SPEF2: variants seen among roughly 807,000 people sequenced by gnomAD.
SPEF2 encodes the protein sperm flagellar and cilia associated 2.
SPEF2 carries 187 observed loss-of-function variants against 224.6 expected under a neutral mutation model. That is an observed-to-expected ratio of 0.83 (90% CI 0.74 to 0.94). The LOEUF (loss-of-function observed/expected upper bound fraction) is 0.94, where lower values mean the gene tolerates loss of function less well. Among genes scored for constraint, SPEF2 ranks in the 40% least tolerant of loss-of-function variants. The pLI is 0.00. For synonymous variants in SPEF2, 715 were observed against 707.3 expected, an observed-to-expected ratio of 1.01 and a Z score of -0.17; for missense variants, 2,170 against 2,135.6, an observed-to-expected ratio of 1.02 and a Z score of -0.32.
intron 28 of SPEF2, among the ~76,000 whole-genome samples, chr5:35,775,938 G>A (rs555036494): frequency 1.8e-4 from 28 of 152,166 alleles, no homozygotes; most frequent in African/African-American, 5.5e-4. Flanking sequence ...AGATAAGCAC[G>A]GTCCCCACTC....
chr5:35,803,241 G>C (rs1757669034), intron 34 of SPEF2, among the ~76,000 whole-genome samples: 2 of 152,154 alleles, frequency 1.3e-5, no homozygotes, highest in Admixed American at 1.3e-4. Flanking sequence ...AGCAGGAAAG[G>C]CCAGGAAAAA....
intron 30 of SPEF2, among the ~76,000 whole-genome samples, chr5:35,780,449 G>T (rs1018827075): frequency 6.6e-6 from 1 of 152,120 alleles, no homozygotes; most frequent in Non-Finnish European, 1.5e-5. Context: ...CAGCTCCAAG[G>T]TATAAAAGCC....
rs115212793 is a variant in SPEF2, at chr5:35,775,836, C to T, written c.4079-421C>T. 0.012 allele frequency among the ~76,000 whole-genome samples: 1,764 copies of T among 152,154 alleles called. 62 individuals carry two copies. The South Asian group carries it at 0.12, about 10-fold the overall frequency. Reference sequence around the variant, plus strand: ...CACCAACCAGATTATGTGCCAGGATCGGTAATAGGCCCAGGGGCACATGGA... The same window carrying T: ...CACCAACCAGATTATGTGCCAGGATTGGTAATAGGCCCAGGGGCACATGGA... On this transcript the variant is annotated intron_variant, in intron 28 of 36. Transcript: ENST00000356031.
chr5:35,771,057 C>T (rs1752776140), intron 26 of SPEF2, among the ~76,000 whole-genome samples: 2 of 151,686 alleles, frequency 1.3e-5, no homozygotes, highest in Non-Finnish European at 2.9e-5. Context: ...TGGCTGTTGC[C>T]GAGGGTGATG....
rs756792876 is a variant in SPEF2 at position 35,691,103 on chromosome 5, A to G, written c.1591A>G (p.Ile531Val). 1 of 1,614,132 alleles carries G rather than the reference A, an allele frequency of 6.2e-7. No individual in the cohort carries two copies. The highest frequency in any genetic ancestry group is 1.1e-5 in the South Asian group (1 of 91,086). ...CAATTTACCACCCTCCAACAATTGCATACTGGGCCATATTCTTCACAGGCT... is the reference window on the plus strand; with the variant it reads ...CAATTTACCACCCTCCAACAATTGCGTACTGGGCCATATTCTTCACAGGCT... ...VDNLPPSNNC[I>V]LGHILHRLAE... The change falls in exon 11 of 37, where the codon ATA becomes GTA. Residue 531 changes from isoleucine (I) to valine (V), a missense_variant. Coordinates refer to ENST00000356031, the MANE Select transcript of SPEF2 (RefSeq NM_024867.4).
intron 2 of SPEF2, among the ~76,000 whole-genome samples, chr5:35,633,879 CTTTAA>C (rs1322375983): frequency 1.3e-5 from 2 of 151,882 alleles, no homozygotes; most frequent in African/African-American, 2.4e-5. Context: ...ATTAATACTA[CTTTAA>C]TTTAATTAGT....
intron 23 of SPEF2, among the ~76,000 whole-genome samples, chr5:35,747,075 A>T (rs559149040): frequency 6.6e-6 from 1 of 152,308 alleles, no homozygotes; most frequent in African/African-American, 2.4e-5. Flanking sequence ...AAAACTAAGC[A>T]TCGTATATGA....
intron 10 of SPEF2, among the ~76,000 whole-genome samples, chr5:35,687,207 C>A (rs1039688397): frequency 6.6e-6 from 1 of 151,948 alleles, no homozygotes; most frequent in Non-Finnish European, 1.5e-5. Flanking sequence ...TTTCAAATAC[C>A]AGTTGTAAAA....
Position 35,649,349 on chromosome 5 carries a change from T to G in SPEF2, c.727-12T>G. ...TTAGAGGCAGAGAACTGATGATGAA[T>G]TTTCTTTAAAGGATGTGGCTGATGA... On this transcript the variant is annotated splice_polypyrimidine_tract_variant and intron_variant, in intron 5 of 36. Transcript: ENST00000356031. 1 of 1,604,258 alleles carries G rather than the reference T, an allele frequency of 6.2e-7. No individual in the cohort carries two copies. Among genetic ancestry groups the G allele is most frequent in the South Asian group, 1.1e-5 (1 of 88,668 alleles).
intron 10 of SPEF2, among the ~76,000 whole-genome samples, chr5:35,683,262 G>A (rs2149512267): frequency 6.6e-6 from 1 of 152,232 alleles, no homozygotes; most frequent in East Asian, 1.9e-4. Flanking sequence ...CATAAAAATG[G>A]TGGATACTAT....
chr5:35,679,852 C>G (rs73080301), intron 10 of SPEF2, among the ~76,000 whole-genome samples: 6 of 152,104 alleles, frequency 3.9e-5, no homozygotes, highest in Non-Finnish European at 7.4e-5. Flanking sequence ...TACCCATGTT[C>G]AAGTGTGACA....
chr5:35,623,296 G>GGTTT (rs761481810), intron 1 of SPEF2, among the ~76,000 whole-genome samples: 45 of 152,198 alleles, frequency 3.0e-4, no homozygotes, highest in Admixed American at 1.3e-3. Context: ...CCTTCAGCAG[G>GGTTT]GTTTGTTTGT....
intron 23 of SPEF2, among the ~76,000 whole-genome samples, chr5:35,741,042 A>G (rs1226630017): frequency 6.6e-6 from 1 of 152,238 alleles, no homozygotes; most frequent in African/African-American, 2.4e-5. Context: ...GTCAATAAAT[A>G]CTTATTGAGC....
chr5:35,788,102 A>G (rs1466999731), intron 30 of SPEF2: 1 of 702,992 alleles, frequency 1.4e-6, no homozygotes, highest in South Asian at 1.5e-5. Flanking sequence ...CAACTTTAGG[A>G]CTGAATTTCT....
intron 21 of SPEF2, among the ~76,000 whole-genome samples, chr5:35,728,034 T>G (rs1744972511): frequency 6.6e-6 from 1 of 152,118 alleles, no homozygotes. Flanking sequence ...TGCTATTGAG[T>G]GCTAAAATGG....
intron 36 of SPEF2, among the ~76,000 whole-genome samples, chr5:35,811,886 G>C (rs576734719): frequency 6.7e-6 from 1 of 150,208 alleles, no homozygotes; most frequent in African/African-American, 2.5e-5. Flanking sequence ...CCGGGTTCAC[G>C]CCATTCTCCT....
In SPEF2 at chr5:35,755,754, C is replaced by T. The variant is rs1032588310; in HGVS notation, c.3468+1993C>T. On this transcript the variant is annotated intron_variant, in intron 24 of 36. Transcript: ENST00000356031. ...CCTCCCAAGTAGCTGGGATTACAGG[C>T]GCCCACCACCACGCCTGGCTAATTT... 1.1e-4 allele frequency among the ~76,000 whole-genome samples: 16 copies of T among 152,016 alleles called. 1 individual carries two copies. The highest frequency in any genetic ancestry group is 6.2e-4 in the South Asian group (3 of 4,816).
chr5:35,787,277 G>A (rs1197314433), intron 30 of SPEF2, among the ~76,000 whole-genome samples: 1 of 123,010 alleles, frequency 8.1e-6, no homozygotes, highest in Non-Finnish European at 1.7e-5. Context: ...TTTTTTTTTG[G>A]TAAATTAACA....
chr5:35,669,889 A>G (rs1397982159), intron 9 of SPEF2, among the ~76,000 whole-genome samples, 170 bp from the exon 10 acceptor site: 1 of 151,938 alleles, frequency 6.6e-6, no homozygotes, highest in Admixed American at 6.6e-5. Context: ...AATCTCATAT[A>G]TATTAGTCTT....
Sources: allele counts gnomAD v4.1 joint callset (sites outside exome capture counted in the v4.1 genomes callset), GRCh38; gene constraint gnomAD v4.1.1; transcripts MANE v1.5; gene names NCBI Gene and HGNC (gene_info 2026-07-23, HGNC 2026-07-21).